Variants in ATRNL1 observed in about 807,000 individuals in gnomAD.
ATRNL1 encodes the protein attractin like 1, also known as attractin-like protein 1.
ATRNL1 carries 95 observed loss-of-function variants against 182.7 expected under a neutral mutation model. That is an observed-to-expected ratio of 0.52 (90% CI 0.44 to 0.62). ATRNL1 has a LOEUF of 0.62. ATRNL1 is among the 20% of genes least tolerant of loss of function. ATRNL1 has a pLI of 0.00. For synonymous variants in ATRNL1, 576 were observed against 568.3 expected (o/e 1.01, Z -0.19); for missense variants, 1,471 against 1,679.5 (o/e 0.88, Z 2.17).
intron 26 of ATRNL1, among the ~76,000 whole-genome samples, chr10:115,654,457 G>A (rs1433549912): frequency 6.6e-6 from 1 of 152,054 alleles, no homozygotes; most frequent in Admixed American, 6.6e-5. Flanking sequence ...GACCTCAGGT[G>A]ATCCGCCCGC....
In ATRNL1 at chr10:115,093,807, G is replaced by T; in HGVS notation, c.57G>T (p.Val19=). 2 of 1,491,500 alleles carry T rather than the reference G, an allele frequency of 1.3e-6. No homozygotes were observed. The highest frequency in any genetic ancestry group is 1.8e-6 in the Non-Finnish European group (2 of 1,122,040). The allele number at this position is 1,491,500 out of a possible 1,614,324, so 92.4% of individuals were successfully genotyped here. Residue 19 remains valine (V), a synonymous_variant, in exon 1 of 29, where the codon GTG becomes GTT. Coordinates refer to ENST00000355044, the MANE Select transcript of ATRNL1 (RefSeq NM_207303.4). This position sits in a 1 kb window ranked among gnomAD's most constrained non-coding sequence, Gnocchi z 6.1. ...CCCCGCAGCCAGCGGCCCCGGGGGT[G>T]TGGAGGGCTCGGCCGGCGGGCGGCG... ...TGTPQPAAPG[V]WRARPAGGGG...
chr10:115,560,219 A>G (rs1048141444), intron 26 of ATRNL1, among the ~76,000 whole-genome samples: 2 of 152,232 alleles, frequency 1.3e-5, no homozygotes, highest in South Asian at 4.1e-4. Flanking sequence ...CCATATTCAC[A>G]CTGCTAATAA....
chr10:115,382,751 A>C (rs1858095778), intron 19 of ATRNL1, among the ~76,000 whole-genome samples: 1 of 151,448 alleles, frequency 6.6e-6, no homozygotes, highest in Non-Finnish European at 1.5e-5. Flanking sequence ...TACAAGCATA[A>C]AAATAAGTGG....
chr10:115,822,930 A>G (rs1950338745), intron 27 of ATRNL1, among the ~76,000 whole-genome samples: 2 of 152,200 alleles, frequency 1.3e-5, no homozygotes, highest in Non-Finnish European at 2.9e-5. Context: ...AACTCATTTT[A>G]TGAGGCCAGC....
intron 13 of ATRNL1, among the ~76,000 whole-genome samples, chr10:115,278,193 C>T (rs544560164): frequency 3.3e-5 from 5 of 152,222 alleles, no homozygotes; most frequent in South Asian, 2.1e-4. Flanking sequence ...AGGCTGTTTT[C>T]GAATTCACTG....
chr10:115,762,696 A>ATATT (rs1283407807), intron 27 of ATRNL1, among the ~76,000 whole-genome samples: 1 of 152,044 alleles, frequency 6.6e-6, no homozygotes, highest in Non-Finnish European at 1.5e-5. Context: ...AATACAAATT[A>ATATT]CTCCATACTT....
chr10:115,902,809 C>T (rs1462988520), intron 28 of ATRNL1, among the ~76,000 whole-genome samples: 7 of 152,146 alleles, frequency 4.6e-5, no homozygotes, highest in Non-Finnish European at 7.3e-5. Flanking sequence ...TGAGAAGCAA[C>T]GGGGGGATCT....
intron 1 of ATRNL1, among the ~76,000 whole-genome samples, chr10:115,116,664 A>G (rs782432587): frequency 6.6e-6 from 1 of 152,114 alleles, no homozygotes; most frequent in Non-Finnish European, 1.5e-5. Flanking sequence ...TAGAAGTAGC[A>G]GGAGATTTCT....
At chr10:115,207,945 A>G (rs1043314915) in intron 8 of ATRNL1, among the ~76,000 whole-genome samples, 1 of 152,154 alleles carries the variant, frequency 6.6e-6, no homozygotes, top group African/African-American at 2.4e-5. Context: ...TCTGTCCACC[A>G]CATCACTATC....
intron 28 of ATRNL1, among the ~76,000 whole-genome samples, chr10:115,876,262 C>T (rs1231093115): frequency 6.6e-6 from 1 of 150,854 alleles, no homozygotes; most frequent in Non-Finnish European, 1.5e-5. Context: ...TTTAATTTTT[C>T]ATTCTGTACA....
At chr10:115,699,017 CTATT>C (rs1161097330) in intron 26 of ATRNL1, among the ~76,000 whole-genome samples, 4 of 151,740 alleles carry the variant, frequency 2.6e-5, no homozygotes, top group East Asian at 1.9e-4. Flanking sequence ...ACAAAAATGG[CTATT>C]TAGGAATAAT....
intron 26 of ATRNL1, among the ~76,000 whole-genome samples, chr10:115,689,376 G>A (rs1946319380): frequency 6.6e-6 from 1 of 151,358 alleles, no homozygotes; most frequent in South Asian, 2.1e-4. Context: ...TTTTATGTAG[G>A]CATTTATTGC....
intron 21 of ATRNL1, among the ~76,000 whole-genome samples, chr10:115,442,864 T>A (rs1376307483): frequency 6.6e-6 from 1 of 152,102 alleles, no homozygotes; most frequent in Non-Finnish European, 1.5e-5. Context: ...ATTTTATTAA[T>A]TTAAAAGATT....
intron 8 of ATRNL1, among the ~76,000 whole-genome samples, chr10:115,184,394 A>G (rs1466881491): frequency 6.6e-6 from 1 of 151,500 alleles, no homozygotes; most frequent in African/African-American, 2.4e-5. Flanking sequence ...ACAACTATGT[A>G]TATAACTATA....
chr10:115,156,436 A>G (rs1190219545), intron 5 of ATRNL1, among the ~76,000 whole-genome samples: 2 of 152,080 alleles, frequency 1.3e-5, no homozygotes, highest in East Asian at 3.9e-4. Context: ...CCCTCTATAG[A>G]TATCCAAGTG....
At chr10:115,543,115 A>G (rs148317521) in intron 25 of ATRNL1, among the ~76,000 whole-genome samples, 2,644 of 150,714 alleles carry the variant, frequency 0.018, 37 homozygotes, top group South Asian at 0.026. Flanking sequence ...TCTTTATACC[A>G]GTTTGAGTTA....
chr10:115,584,050 C>A (rs1389226465), intron 26 of ATRNL1, among the ~76,000 whole-genome samples: 2 of 152,116 alleles, frequency 1.3e-5, no homozygotes, highest in Admixed American at 6.6e-5. Flanking sequence ...TGCTGGATTA[C>A]ATTTATTGAT....
At chr10:115,137,720 T>C (rs1444567124) in intron 5 of ATRNL1, among the ~76,000 whole-genome samples, 1 of 152,142 alleles carries the variant, frequency 6.6e-6, no homozygotes, top group Admixed American at 6.5e-5. Flanking sequence ...CCAAAACACA[T>C]GGGAATTCAA....
intron 8 of ATRNL1, among the ~76,000 whole-genome samples, chr10:115,193,098 T>C (rs1848230371): frequency 6.6e-6 from 1 of 152,076 alleles, no homozygotes; most frequent in Non-Finnish European, 1.5e-5. Flanking sequence ...GGACTTCCAG[T>C]ACTGCCTTGA....
Sources: gnomAD v4.1 joint callset for allele counts (sites outside exome capture counted in the v4.1 genomes callset) on GRCh38, gnomAD v4.1.1 for gene constraint, Gnocchi (gnomAD v3.1) non-coding constraint, MANE v1.5 for transcripts, NCBI Gene and HGNC (gene_info 2026-07-23, HGNC 2026-07-21) for gene names.